GTF2IRD1: variants seen among roughly 807,000 people sequenced by gnomAD.
GTF2IRD1 encodes the protein general transcription factor II-I repeat domain-containing protein 1.
Under a neutral mutation model 113.2 loss-of-function variants are expected in GTF2IRD1, and 26 were observed. The observed-to-expected ratio is 0.23, with a 90% CI of 0.17 to 0.32. GTF2IRD1 has a LOEUF of 0.32. Ranked by LOEUF, GTF2IRD1 falls within the 10% of genes least tolerant of loss-of-function variation. The pLI is 1.00. For missense variants in GTF2IRD1, 864 were observed against 1,280.8 expected, an observed-to-expected ratio of 0.67 and a Z score of 4.97; for synonymous variants, 484 against 529.1, an observed-to-expected ratio of 0.91 and a Z score of 1.17.
intron 22 of GTF2IRD1, among the ~76,000 whole-genome samples, chr7:74,589,308 T>C (rs1188294623): frequency 6.6e-6 from 1 of 151,974 alleles, no homozygotes; most frequent in African/African-American, 2.4e-5. Context: ...GTGAGCTATC[T>C]ATGATCCACT....
At chr7:74,525,919 C>T (rs1228981053) in intron 8 of GTF2IRD1, among the ~76,000 whole-genome samples, 7 of 152,192 alleles carry the variant, frequency 4.6e-5, no homozygotes, top group African/African-American at 1.7e-4. Context: ...TGCGTGTGGG[C>T]TGGACCTTCC....
intron 1 of GTF2IRD1, among the ~76,000 whole-genome samples, chr7:74,484,446 C>T (rs896586495): frequency 6.7e-6 from 1 of 149,494 alleles, no homozygotes; most frequent in Non-Finnish European, 1.5e-5. Context: ...CACACCCGGC[C>T]ATCCTTCTTT....
At chr7:74,537,516 C>G (rs1798370678) in intron 11 of GTF2IRD1, among the ~76,000 whole-genome samples, 1 of 152,168 alleles carries the variant, frequency 6.6e-6, no homozygotes, top group African/African-American at 2.4e-5. Context: ...TACATACATA[C>G]CAACACCAGG....
chr7:74,509,679 T>C (rs1554342355), intron 2 of GTF2IRD1, among the ~76,000 whole-genome samples: 1 of 152,052 alleles, frequency 6.6e-6, no homozygotes, highest in African/African-American at 2.4e-5. Flanking sequence ...TTGTTTTGTT[T>C]TGTTTTGTTT....
At chr7:74,561,980 C>T (rs1435244918) in intron 22 of GTF2IRD1, among the ~76,000 whole-genome samples, 1 of 152,126 alleles carries the variant, frequency 6.6e-6, no homozygotes, top group Non-Finnish European at 1.5e-5. Flanking sequence ...CCTGCCAGCC[C>T]CTTTCCAGGC....
intron 1 of GTF2IRD1, among the ~76,000 whole-genome samples, chr7:74,476,023 G>T (rs1794383285): frequency 6.6e-6 from 1 of 152,204 alleles, no homozygotes; most frequent in Non-Finnish European, 1.5e-5. Context: ...GGCAGGTGTG[G>T]TCCAGGTACC....
At chr7:74,502,322 C>G (rs2129884043) in intron 1 of GTF2IRD1, among the ~76,000 whole-genome samples, 1 of 152,342 alleles carries the variant, frequency 6.6e-6, no homozygotes, top group Non-Finnish European at 1.5e-5. Flanking sequence ...TTTCCCACCT[C>G]CCACTAGGCT....
intron 17 of GTF2IRD1, among the ~76,000 whole-genome samples, chr7:74,549,725 A>G (rs781842107): frequency 1.5e-4 from 22 of 151,076 alleles, no homozygotes; most frequent in Non-Finnish European, 3.1e-4. Flanking sequence ...ATCACTTGAG[A>G]TCAGGACTAC....
intron 1 of GTF2IRD1, among the ~76,000 whole-genome samples, chr7:74,482,377 G>A (rs1424199251): frequency 2.0e-5 from 3 of 151,740 alleles, no homozygotes; most frequent in African/African-American, 4.8e-5. Context: ...ACAGGCATGT[G>A]CCACCACACA....
chr7:74,475,933 T>G (rs760788281), intron 1 of GTF2IRD1, among the ~76,000 whole-genome samples: 1 of 152,104 alleles, frequency 6.6e-6, no homozygotes, highest in Non-Finnish European at 1.5e-5. Context: ...CAGTGGGTGC[T>G]TTGGTGTTTG....
At chr7:74,516,785 C>G (rs1432381423) in intron 4 of GTF2IRD1, among the ~76,000 whole-genome samples, 1 of 151,942 alleles carries the variant, frequency 6.6e-6, no homozygotes, top group African/African-American at 2.4e-5. Flanking sequence ...GCCCGCCTTG[C>G]CCTGGCCCCC....
At chr7:74,517,375 T>C (rs1445649969) in intron 4 of GTF2IRD1, among the ~76,000 whole-genome samples, 1 of 149,180 alleles carries the variant, frequency 6.7e-6, no homozygotes, top group Non-Finnish European at 1.5e-5. Context: ...CCACTTCCTC[T>C]TCTTCTTACT....
intron 1 of GTF2IRD1, among the ~76,000 whole-genome samples, chr7:74,500,589 ATGTGTG>A (rs72168391): frequency 9.3e-5 from 14 of 150,562 alleles, no homozygotes; most frequent in Non-Finnish European, 2.1e-4. Flanking sequence ...TTGTTCGTGT[ATGTGTG>A]TGTGTGTGTG....
chr7:74,581,546 G>A (rs1268679375), intron 22 of GTF2IRD1, among the ~76,000 whole-genome samples: 1 of 152,206 alleles, frequency 6.6e-6, no homozygotes, highest in Non-Finnish European at 1.5e-5. Flanking sequence ...GAGCAGATTA[G>A]ACTCAAAGGT....
chr7:74,467,346 GGGC>G (rs1793787736), intron 1 of GTF2IRD1, among the ~76,000 whole-genome samples: 1 of 152,202 alleles, frequency 6.6e-6, no homozygotes, highest in Non-Finnish European at 1.5e-5. Flanking sequence ...GGCATCTGGA[GGGC>G]AGTGGCGATG....
At chr7:74,478,749 C>A (rs1162075234) in intron 1 of GTF2IRD1, among the ~76,000 whole-genome samples, 1 of 151,016 alleles carries the variant, frequency 6.6e-6, no homozygotes, top group Admixed American at 6.6e-5. Context: ...AGCCACCAGC[C>A]CCACCTTTTT....
chr7:74,597,116 C>T (rs1366044461), intron 25 of GTF2IRD1, among the ~76,000 whole-genome samples: 2 of 151,422 alleles, frequency 1.3e-5, no homozygotes, highest in East Asian at 3.9e-4. Context: ...GATCTCGGCT[C>T]ACTGCAACCT....
At chr7:74,580,105 A>C (rs1554365708) in intron 22 of GTF2IRD1, among the ~76,000 whole-genome samples, 1 of 152,070 alleles carries the variant, frequency 6.6e-6, no homozygotes, top group Non-Finnish European at 1.5e-5. Context: ...TTCCTGCTAA[A>C]CCTGTGCGCA....
At chr7:74,558,064 A>T (rs1215968059) in intron 20 of GTF2IRD1, among the ~76,000 whole-genome samples, 2 of 152,022 alleles carry the variant, frequency 1.3e-5, no homozygotes, top group Non-Finnish European at 2.9e-5. Context: ...ACTTGAGCTC[A>T]GGAGTTCGAG....
Sources: gnomAD v4.1 joint callset for allele counts (sites outside exome capture counted in the v4.1 genomes callset) on GRCh38, gnomAD v4.1.1 for gene constraint, MANE v1.5 for transcripts, NCBI Gene and HGNC (gene_info 2026-07-23, HGNC 2026-07-21) for gene names.